Variants in TMEM108 observed in about 807,000 individuals in gnomAD.
TMEM108 encodes transmembrane protein 108.
TMEM108 carries 12 observed loss-of-function variants against 35.1 expected under a neutral mutation model. The observed-to-expected ratio is 0.34, with a 90% CI of 0.22 to 0.55. TMEM108 has a LOEUF of 0.55. Ranked by LOEUF, TMEM108 falls within the 20% of genes least tolerant of loss-of-function variation. The pLI is 0.89. For synonymous variants in TMEM108, 287 were observed against 308.6 expected (o/e 0.93, Z 0.73); for missense variants, 680 against 753.3 (o/e 0.90, Z 1.14).
chr3:133,207,775 A>G (rs897634202), intron 2 of TMEM108, among the ~76,000 whole-genome samples: 2 of 152,188 alleles, frequency 1.3e-5, no homozygotes, highest in African/African-American at 4.8e-5. Context: ...ATTAACATTA[A>G]TAGCCTAATA....
intron 2 of TMEM108, among the ~76,000 whole-genome samples, chr3:133,057,615 T>TGGG (rs1446092994): frequency 6.6e-6 from 1 of 151,836 alleles, no homozygotes; most frequent in African/African-American, 2.4e-5. Context: ...GAACCTTTAC[T>TGGG]GGTTGTTTAA....
intron 2 of TMEM108, among the ~76,000 whole-genome samples, chr3:133,081,274 TGGTCAGAATATGGTGA>T (rs1943807465): frequency 6.6e-6 from 1 of 152,238 alleles, no homozygotes; most frequent in African/African-American, 2.4e-5. Flanking sequence ...GGTACCAGTA[TGGTCAGAATATGGTGA>T]GGGTTTTCTT....
intron 2 of TMEM108, among the ~76,000 whole-genome samples, chr3:133,213,032 G>A (rs1945856923): frequency 6.6e-6 from 1 of 151,626 alleles, no homozygotes; most frequent in South Asian, 2.1e-4. Context: ...ACCCAGCCCT[G>A]TGGACACATG....
At chr3:133,209,097 G>T (rs1035441905) in intron 2 of TMEM108, among the ~76,000 whole-genome samples, 32 of 152,278 alleles carry the variant, frequency 2.1e-4, no homozygotes, top group African/African-American at 7.7e-4. Flanking sequence ...AGGCTGAAGT[G>T]CAGTGGCACA....
chr3:133,107,090 C>T (rs1210988202), intron 2 of TMEM108, among the ~76,000 whole-genome samples: 1 of 152,116 alleles, frequency 6.6e-6, no homozygotes, highest in African/African-American at 2.4e-5. Context: ...CATGAGGGAG[C>T]CACTGAAGGG....
chr3:133,269,942 C>A (rs1303675639), intron 3 of TMEM108, among the ~76,000 whole-genome samples: 1 of 152,196 alleles, frequency 6.6e-6, no homozygotes, highest in Non-Finnish European at 1.5e-5. Context: ...AAAATAAGAT[C>A]TACTTCCTCC....
chr3:133,040,357 C>G (rs1943260521), intron 1 of TMEM108, among the ~76,000 whole-genome samples: 1 of 151,992 alleles, frequency 6.6e-6, no homozygotes, highest in Non-Finnish European at 1.5e-5. Context: ...GTGTGAGGCA[C>G]CATGCCCGGC....
At chr3:133,387,761 C>T (rs2073174353) in intron 4 of TMEM108, 17 of 876,510 alleles carry the variant, frequency 1.9e-5, no homozygotes, top group Middle Eastern at 5.8e-4. Context: ...AGGAAGCTGA[C>T]GCTGAGAGAG....
rs371589880 is a variant in TMEM108 at position 133,305,204 on chromosome 3, G to A, written c.41-74548G>A. ...CAGCCATAAAAAATGATGAGTTCAT[G>A]TCCTTTGTAGGGACATGGATGAAAT... On this transcript the variant is annotated intron_variant, in intron 3 of 5. Transcript: ENST00000321871. Among the ~76,000 whole-genome samples, 1,098 of 151,918 alleles carry A rather than the reference G, an allele frequency of 7.2e-3. 21 individuals carry two copies. Among genetic ancestry groups the A allele is most frequent in the African/African-American group, 0.025 (1,048 of 41,358 alleles).
At chr3:133,369,719 A>G (rs939770199) in intron 3 of TMEM108, among the ~76,000 whole-genome samples, 1 of 152,234 alleles carries the variant, frequency 6.6e-6, no homozygotes, top group African/African-American at 2.4e-5. Context: ...AGAATCTATC[A>G]ACTAGGCTAA....
At chr3:133,279,115 A>G (rs1576428961) in intron 3 of TMEM108, among the ~76,000 whole-genome samples, 3 of 152,214 alleles carry the variant, frequency 2.0e-5, no homozygotes, top group Admixed American at 2.0e-4. Context: ...GGTTGGGCAA[A>G]CCAGCCTAGT....
At chr3:133,350,714 G>C (rs541436756) in intron 3 of TMEM108, among the ~76,000 whole-genome samples, 2 of 152,178 alleles carry the variant, frequency 1.3e-5, no homozygotes, top group South Asian at 4.2e-4. Flanking sequence ...CTTAAGATTC[G>C]GCAGTAATTC....
chr3:133,183,813 A>T (rs1945382163), intron 2 of TMEM108, among the ~76,000 whole-genome samples: 1 of 152,134 alleles, frequency 6.6e-6, no homozygotes, highest in African/African-American at 2.4e-5. Context: ...ATCATAACAG[A>T]TGTTAGGGCC....
Position 133,346,445 on chromosome 3 carries a change from T to A in TMEM108, c.41-33307T>A, listed in dbSNP as rs143040384. Among the ~76,000 whole-genome samples, 152 of 152,226 alleles carry A rather than the reference T, an allele frequency of 1.0e-3. No individual in the cohort carries two copies. The highest frequency in any genetic ancestry group is 3.6e-3 in the African/African-American group (151 of 41,572). ...ATTGAACATCTTTTCATATGCTTAT[T>A]GGCTATCTGTATTATCTTCATTGGT... On this transcript the variant is annotated intron_variant, in intron 3 of 5. Transcript: ENST00000321871. The surrounding 1 kb of genome is among the most constrained non-coding windows in gnomAD (Gnocchi z 4.0).
chr3:133,065,061 T>C (rs1943579140), intron 2 of TMEM108, among the ~76,000 whole-genome samples: 1 of 152,204 alleles, frequency 6.6e-6, no homozygotes, highest in Admixed American at 6.5e-5. Flanking sequence ...TTTTATGTCT[T>C]ACATGGTGAA....
At chr3:133,222,701 T>G (rs1188805751) in intron 2 of TMEM108, among the ~76,000 whole-genome samples, 1 of 152,166 alleles carries the variant, frequency 6.6e-6, no homozygotes, top group Non-Finnish European at 1.5e-5. Context: ...TGTATTATAC[T>G]TTTCAGCTCC....
In TMEM108 at chr3:133,198,796, G is replaced by A. The variant is rs113673205; in HGVS notation, c.-46-30470G>A. On this transcript the variant is annotated intron_variant, in intron 2 of 5. Transcript: ENST00000321871. Reference sequence around the variant, plus strand: ...TCTTCTCGAGGTGTGTCTTTGTGGCGTTCTCTGTATTTCCTGAATTTGAAT... The same window carrying A: ...TCTTCTCGAGGTGTGTCTTTGTGGCATTCTCTGTATTTCCTGAATTTGAAT... Among the ~76,000 whole-genome samples the A allele has an allele frequency of 8.2e-3, 1,245 of 152,138 alleles. 21 individuals are homozygous for A. Among genetic ancestry groups the A allele is most frequent in the African/African-American group, 0.027 (1,141 of 41,508 alleles).
intron 2 of TMEM108, among the ~76,000 whole-genome samples, chr3:133,162,664 T>C (rs1276631335): frequency 1.3e-5 from 2 of 152,236 alleles, no homozygotes; most frequent in Non-Finnish European, 2.9e-5. Context: ...AGGTCTTTAC[T>C]GTGCAAAATA....
chr3:133,396,106 T>A lies in TMEM108; in HGVS notation c.*120T>A. The A allele has an allele frequency of 1.4e-6, 1 of 734,594 alleles. No homozygotes were observed. Among genetic ancestry groups the A allele is most frequent in the Non-Finnish European group, 1.8e-6 (1 of 560,500 alleles). 45.5% of individuals were successfully genotyped at this position (734,594 alleles called of 1,614,324 possible). A position where few individuals can be genotyped will look rare whatever the true frequency, so the allele number is the denominator to read the frequency against. On this transcript the variant is annotated 3_prime_UTR_variant, in exon 6 of 6. Coordinates refer to ENST00000321871, the MANE Select transcript of TMEM108 (RefSeq NM_023943.4). ...TGACTTAATGAGAAACATTTTCAGC[T>A]TTTTTTCCTATGAATTGTCAACATC...
Sources: gnomAD v4.1 joint callset for allele counts (sites outside exome capture counted in the v4.1 genomes callset) on GRCh38, gnomAD v4.1.1 for gene constraint, Gnocchi (gnomAD v3.1) non-coding constraint, MANE v1.5 for transcripts, NCBI Gene and HGNC (gene_info 2026-07-23, HGNC 2026-07-21) for gene names.